PDGFRL: variants seen among roughly 807,000 people sequenced by gnomAD.
PDGFRL encodes platelet derived growth factor receptor like.
A neutral mutation model predicts 37.2 loss-of-function variants in PDGFRL; 46 were observed. That is an observed-to-expected ratio of 1.24 (90% CI 0.98 to 1.58). PDGFRL has a LOEUF of 1.58. Ranked by LOEUF, PDGFRL falls within the 40% of genes most tolerant of loss-of-function variation. PDGFRL has a pLI of 0.00. For synonymous variants in PDGFRL, 251 were observed against 184.3 expected (o/e 1.36, Z -2.93); for missense variants, 692 against 467.6 (o/e 1.48, Z -4.43).
chr8:17,585,121 C>T (rs1451657492), intron 1 of PDGFRL, among the ~76,000 whole-genome samples: 4 of 152,088 alleles, frequency 2.6e-5, no homozygotes, highest in Admixed American at 1.3e-4. Flanking sequence ...TTCTAGCATG[C>T]TAATGCATTA....
chr8:17,602,245 C>T (rs1429955620), intron 2 of PDGFRL, among the ~76,000 whole-genome samples: 1 of 152,204 alleles, frequency 6.6e-6, no homozygotes. Context: ...TGTATGTCTT[C>T]GAGGAAGCCC....
In PDGFRL at chr8:17,634,233, C is replaced by A. The variant is rs200491689; in HGVS notation, c.939+20C>A. ...CAGAAGGTAAGTGTTGTACCTGCATCTCAGCCCCTGCGTCTCAGCCTCTGC... is the reference window on the plus strand; with the variant it reads ...CAGAAGGTAAGTGTTGTACCTGCATATCAGCCCCTGCGTCTCAGCCTCTGC... On this transcript the variant is annotated intron_variant, in intron 5 of 5. Coordinates refer to ENST00000251630, the MANE Select transcript of PDGFRL (RefSeq NM_001372073.1). The A allele has an allele frequency of 3.2e-6, 5 of 1,585,992 alleles. No homozygotes were observed. The African/African-American group carries it at 6.7e-5, about 21-fold the overall frequency.
intron 5 of PDGFRL, among the ~76,000 whole-genome samples, chr8:17,641,522 G>C (rs1206457974): frequency 2.6e-5 from 4 of 152,306 alleles, no homozygotes; most frequent in South Asian, 2.1e-4. Flanking sequence ...TATACAAGCT[G>C]TGCCCATGGC....
intron 1 of PDGFRL, among the ~76,000 whole-genome samples, chr8:17,582,974 G>C (rs1585296213): frequency 6.6e-6 from 1 of 152,128 alleles, no homozygotes; most frequent in East Asian, 1.9e-4. Context: ...TCACTTAAAA[G>C]GTCCCAGGTG....
intron 2 of PDGFRL, among the ~76,000 whole-genome samples, chr8:17,594,860 C>A (rs189178432): frequency 6.6e-6 from 1 of 152,238 alleles, no homozygotes; most frequent in Non-Finnish European, 1.5e-5. Context: ...TTTTTGTAAT[C>A]CATCATCCAG....
At chr8:17,595,747 T>G (rs140358640) in intron 2 of PDGFRL, among the ~76,000 whole-genome samples, 1 of 152,152 alleles carries the variant, frequency 6.6e-6, no homozygotes, top group Non-Finnish European at 1.5e-5. Flanking sequence ...CAGGTAGAGC[T>G]AAGGTTATGG....
chr8:17,578,547 G>T (rs1161285125), intron 1 of PDGFRL, among the ~76,000 whole-genome samples: 1 of 152,156 alleles, frequency 6.6e-6, no homozygotes, highest in African/African-American at 2.4e-5. Flanking sequence ...ATATTAAAAT[G>T]CTCCTGGCAG....
chr8:17,577,081 C>CCAAAAAAAAAAAA (rs1563499525), upstream of PDGFRL: 1 of 109,450 alleles, frequency 9.1e-6, no homozygotes, highest in African/African-American at 1.9e-4. Context: ...ACACAGAGAA[C>CCAAAAAAAAAAAA]TAAAAAAAAA....
chr8:17,642,137 C>G (rs1043971558), intron 5 of PDGFRL, among the ~76,000 whole-genome samples: 1 of 152,148 alleles, frequency 6.6e-6, no homozygotes, highest in Non-Finnish European at 1.5e-5. Flanking sequence ...AATCATACTT[C>G]TCCCTCTCTC....
At chr8:17,617,439 C>T (rs1319806798) in intron 2 of PDGFRL, among the ~76,000 whole-genome samples, 2 of 152,142 alleles carry the variant, frequency 1.3e-5, no homozygotes, top group Non-Finnish European at 2.9e-5. Context: ...TTTGATGAAG[C>T]ATCTCTGTAC....
upstream of PDGFRL, chr8:17,576,704 G>T: frequency 1.0e-6 from 1 of 985,738 alleles, no homozygotes; most frequent in Non-Finnish European, 1.2e-6. Context: ...TGGGTGCGGA[G>T]ACCAACTCTG....
intron 3 of PDGFRL, among the ~76,000 whole-genome samples, chr8:17,623,535 G>A (rs1804674997): frequency 6.6e-6 from 1 of 152,266 alleles, no homozygotes; most frequent in Middle Eastern, 3.4e-3. Flanking sequence ...AGTATTGGTC[G>A]AGGTTTTGAA....
chr8:17,603,142 T>C (rs2588132), intron 2 of PDGFRL, among the ~76,000 whole-genome samples: 119,992 of 152,058 alleles, frequency 0.79, 47,886 homozygotes, highest in East Asian at 0.98. Context: ...GCCACCAAGC[T>C]TGGCTAATTT....
chr8:17,641,630 C>T (rs375952494), intron 5 of PDGFRL, among the ~76,000 whole-genome samples: 68 of 152,318 alleles, frequency 4.5e-4, no homozygotes, highest in African/African-American at 1.3e-3. Context: ...CTCATAAAAG[C>T]AATTGCAGCG....
intron 2 of PDGFRL, among the ~76,000 whole-genome samples, chr8:17,594,790 C>T (rs1343763800): frequency 6.6e-6 from 1 of 152,068 alleles, no homozygotes; most frequent in African/African-American, 2.4e-5. Flanking sequence ...ATCCACCCAC[C>T]TCGGCCTCCC....
chr8:17,613,919 AGTG>A (rs2129731276), intron 2 of PDGFRL, among the ~76,000 whole-genome samples: 1 of 152,352 alleles, frequency 6.6e-6, no homozygotes, highest in African/African-American at 2.4e-5. Context: ...ATCTGGCATA[AGTG>A]ATTGCAGTAG....
At chr8:17,590,517 GC>G (rs1803913971) in intron 2 of PDGFRL, among the ~76,000 whole-genome samples, 1 of 151,950 alleles carries the variant, frequency 6.6e-6, no homozygotes, top group South Asian at 2.1e-4. Flanking sequence ...TTGGAGATTA[GC>G]CTGGCCAACA....
intron 1 of PDGFRL, among the ~76,000 whole-genome samples, chr8:17,583,097 C>G (rs1305006155): frequency 1.3e-5 from 2 of 152,198 alleles, no homozygotes; most frequent in Non-Finnish European, 2.9e-5. Context: ...GTTGTCAAGT[C>G]TGCATATTCC....
At chr8:17,620,245 A>T (rs1417480560) in intron 2 of PDGFRL, among the ~76,000 whole-genome samples, 1 of 152,248 alleles carries the variant, frequency 6.6e-6, no homozygotes, top group Non-Finnish European at 1.5e-5. Flanking sequence ...TATAGGCATG[A>T]ACCACTGCCA....
Sources: gnomAD v4.1 joint callset for allele counts (sites outside exome capture counted in the v4.1 genomes callset) on GRCh38, gnomAD v4.1.1 for gene constraint, MANE v1.5 for transcripts, NCBI Gene and HGNC (gene_info 2026-07-23, HGNC 2026-07-21) for gene names.